The following ATG2B variants were observed in gnomAD, a reference collection of about 807,000 sequenced individuals.
ATG2B encodes the protein autophagy related 2B, also known as autophagy-related protein 2 homolog B.
A neutral mutation model predicts 241.3 loss-of-function variants in ATG2B; 121 were observed. The ratio of observed to expected loss-of-function variants is 0.50; its 90% CI spans 0.43 to 0.58. ATG2B has a LOEUF of 0.58. ATG2B is among the 20% of genes least tolerant of loss of function. The probability of loss-of-function intolerance (pLI) is 0.00; values close to 1 mark genes in which losing one functional copy is unlikely to be tolerated. For synonymous variants in ATG2B, 858 were observed against 876.6 expected, an observed-to-expected ratio of 0.98 and a Z score of 0.37; for missense variants, 2,306 against 2,491.6, an observed-to-expected ratio of 0.93 and a Z score of 1.59.
chr14:96,301,970 T>C, intron 34 of ATG2B, 37 bp downstream of exon 34: 2 of 1,456,230 alleles, frequency 1.4e-6, no homozygotes, highest in Non-Finnish European at 1.9e-6. Flanking sequence ...CAGTCTAATC[T>C]AACTGTAACG....
In ATG2B at chr14:96,344,732, A is replaced by T; in HGVS notation, c.503T>A (p.Phe168Tyr). 1 of 1,595,650 alleles carries T rather than the reference A, an allele frequency of 6.3e-7. No homozygotes were observed. Residue 168 changes from phenylalanine to tyrosine, a missense_variant, in exon 4 of 42, where the codon TTT becomes TAT. By Grantham distance (22) the Phe-to-Tyr change is conservative (BLOSUM62 3). Around this residue, in one of 2 missense-constraint regions of ATG2B, gnomAD observed 1,927 missense variants for 2,011.2 expected, o/e 0.96. Coordinates refer to ENST00000359933, the MANE Select transcript of ATG2B (RefSeq NM_018036.7). ...TTCAATTCTCAAAACAGTATCTATA[A>T]AAGTGACTTTTACTCTTCTTAGTAC... ...ETVLRRVKVT[F>Y]IDTVLRIEHV...
At chr14:96,310,375 A>C (rs148699247) in intron 28 of ATG2B, among the ~76,000 whole-genome samples, 3 of 152,214 alleles carry the variant, frequency 2.0e-5, no homozygotes, top group Non-Finnish European at 2.9e-5. Context: ...ACTAGAGTAC[A>C]TAACAGAGGC....
intron 11 of ATG2B, among the ~76,000 whole-genome samples, chr14:96,330,656 C>T (rs1284509033): frequency 1.3e-5 from 2 of 152,184 alleles, no homozygotes; most frequent in Middle Eastern, 3.2e-3. Flanking sequence ...CTCAGCTACT[C>T]AGGAGGCTGA....
At chr14:96,324,188 G>A (rs1347512919) in intron 15 of ATG2B, 190 bp from the exon 16 acceptor site, 3 of 544,898 alleles carry the variant, frequency 5.5e-6, no homozygotes, top group Middle Eastern at 4.8e-4. Flanking sequence ...TCTGTTTTGT[G>A]TTCAAACTCA....
intron 8 of ATG2B, among the ~76,000 whole-genome samples, chr14:96,333,228 C>A (rs888976788): frequency 6.6e-6 from 1 of 151,956 alleles, no homozygotes; most frequent in Middle Eastern, 3.2e-3. Flanking sequence ...TTGTGAAACA[C>A]CTATAAATGT....
Position 96,325,069 on chromosome 14 carries a change from C to T in ATG2B, c.2437+580G>A, listed in dbSNP as rs140802669. 2.6e-5 allele frequency among the ~76,000 whole-genome samples: 4 copies of T among 152,176 alleles called. No homozygotes were observed. In the East Asian group the frequency reaches 7.7e-4, roughly 29 times the overall value. ...CAAAGTAATGCAGAAAAAATCAAAA[C>T]GAGTTTTACAAATAAAAGTCACTAG... On this transcript the variant is annotated intron_variant, in intron 15 of 41. Transcript: ENST00000359933.
intron 5 of ATG2B, among the ~76,000 whole-genome samples, chr14:96,342,754 G>GAGTTTTGTATT (rs1039769110): frequency 6.7e-6 from 1 of 149,590 alleles, no homozygotes; most frequent in Non-Finnish European, 1.5e-5. Context: ...TGAGTTTTAT[G>GAGTTTTGTATT]AGTTTTGTAT....
At chr14:96,336,164 A>C (rs936992152) in intron 6 of ATG2B, among the ~76,000 whole-genome samples, 8 of 152,154 alleles carry the variant, frequency 5.3e-5, no homozygotes, top group South Asian at 2.1e-4. Context: ...AAAAAAAAAA[A>C]AAAAACATGA....
Position 96,343,181 on chromosome 14 carries a change from G to C in ATG2B, c.682C>G (p.Leu228Val). The C allele has an allele frequency of 1.2e-6, 2 of 1,608,092 alleles. No individual in the cohort carries two copies. The highest frequency in any genetic ancestry group is 2.2e-5 in the East Asian group (1 of 44,722). ...GATGCAGAAAACTCATCCCAGAAGA[G>C]AGACACTCCAGAGAGCTGAAGTAAC... ...HKLLQLSGVS[L>V]FWDEFSASAK... The change falls in exon 5 of 42, where the codon CTC (leucine) becomes GTC (valine). Residue 228 changes from leucine to valine, a missense_variant. Physicochemically the swap from Leu to Val is conservative, Grantham distance 32 (BLOSUM62 1). Transcript: ENST00000359933.
At chr14:96,324,112 C>A (rs1887530009) in intron 15 of ATG2B, 114 bp from the exon 16 acceptor site, 2 of 668,954 alleles carry the variant, frequency 3.0e-6, no homozygotes, top group Non-Finnish European at 5.0e-6. Context: ...AGTTCTACAG[C>A]ATTTTTCAGT....
Position 96,285,989 on chromosome 14 carries a change from C to T in ATG2B, c.6007-4G>A, listed in dbSNP as rs376183104. On this transcript the variant is annotated splice_polypyrimidine_tract_variant and splice_region_variant and intron_variant, in intron 41 of 41. Coordinates refer to ENST00000359933, the MANE Select transcript of ATG2B (RefSeq NM_018036.7). The surrounding 1 kb of genome is among the most constrained non-coding windows in gnomAD (Gnocchi z 4.2). ...TCTGAGCCGTGTCTGTGATTCCCTG[C>T]GTAGAGGAGGGAGGTAGGAGAGAGG... 75 of 1,607,574 alleles carry T rather than the reference C, an allele frequency of 4.7e-5. No individual in the cohort carries two copies. Among genetic ancestry groups the T allele is most frequent in the African/African-American group, 1.1e-4 (8 of 74,784 alleles).
At position 96,328,340 on chromosome 14, in the gene ATG2B, T is replaced by A. The variant is rs778211003; in HGVS notation, c.2163+7A>T. 6.3e-7 allele frequency: 1 copy of A among 1,588,520 alleles called. No individual in the cohort carries two copies. The highest frequency in any genetic ancestry group is 2.2e-5 in the East Asian group (1 of 44,664). On this transcript the variant is annotated splice_region_variant and intron_variant, in intron 14 of 41. Coordinates refer to ENST00000359933, the MANE Select transcript of ATG2B (RefSeq NM_018036.7). ...ATGATTAGTATTTGCAGCTTTTGAA[T>A]ACTTACCAGACTAATATGTTTATTA...
At chr14:96,326,226 T>A (rs1451559882) in intron 14 of ATG2B, among the ~76,000 whole-genome samples, 1 of 152,218 alleles carries the variant, frequency 6.6e-6, no homozygotes, top group African/African-American at 2.4e-5. Flanking sequence ...TATAAATTTA[T>A]AAAGAATACG....
At chr14:96,324,864 G>C (rs184325029) in intron 15 of ATG2B, among the ~76,000 whole-genome samples, 48 of 152,184 alleles carry the variant, frequency 3.2e-4, no homozygotes, top group African/African-American at 1.2e-3. Flanking sequence ...AAAACCGAGA[G>C]AGAAAAGAAG....
At chr14:96,299,519 G>A (rs1566716095) in intron 34 of ATG2B, among the ~76,000 whole-genome samples, 1 of 152,182 alleles carries the variant, frequency 6.6e-6, no homozygotes, top group Non-Finnish European at 1.5e-5. Context: ...TTCACCAAAT[G>A]GTCTTGAATG....
intron 1 of ATG2B, among the ~76,000 whole-genome samples, chr14:96,361,973 A>G (rs1284266205): frequency 6.6e-6 from 1 of 152,216 alleles, no homozygotes; most frequent in Non-Finnish European, 1.5e-5. Context: ...TGTCAAACCC[A>G]AAAGTGAATA....
intron 15 of ATG2B, 118 bp from the exon 16 acceptor site, chr14:96,324,116 T>C (rs1185154384): frequency 1.5e-6 from 1 of 660,152 alleles, no homozygotes; most frequent in Non-Finnish European, 2.5e-6. Context: ...CTACAGCATT[T>C]TTCAGTTGTT....
At chr14:96,350,068 A>C (rs958472057) in intron 1 of ATG2B, among the ~76,000 whole-genome samples, 6 of 152,142 alleles carry the variant, frequency 3.9e-5, no homozygotes, top group Non-Finnish European at 8.8e-5. Context: ...AGGTGGGAGG[A>C]ATGCTTAAGC....
At chr14:96,308,276 A>ATG (rs1566719964) in intron 29 of ATG2B, among the ~76,000 whole-genome samples, 1,225 of 27,080 alleles carry the variant, frequency 0.045, 49 homozygotes, top group South Asian at 0.063. Context: ...ATATATATAT[A>ATG]TATATATTTT....
Sources: gnomAD v4.1 joint callset for allele counts (sites outside exome capture counted in the v4.1 genomes callset) on GRCh38, gnomAD v4.1.1 for gene constraint, gnomAD v4.1.1 regional missense constraint, Gnocchi (gnomAD v3.1) non-coding constraint, MANE v1.5 for transcripts, NCBI Gene and HGNC (gene_info 2026-07-23, HGNC 2026-07-21) for gene names.